The following DSCAML1 variants were observed in gnomAD, a reference collection of about 807,000 sequenced individuals.
The protein encoded by DSCAML1 is DS cell adhesion molecule like 1.
A neutral mutation model predicts 200.5 loss-of-function variants in DSCAML1; 38 were observed. The observed-to-expected ratio is 0.19, with a 90% CI of 0.15 to 0.25. DSCAML1 has a LOEUF of 0.25. DSCAML1 is among the 10% of genes least tolerant of loss of function. The pLI is 1.00. For missense variants in DSCAML1, 2,223 were observed against 2,858.8 expected, an observed-to-expected ratio of 0.78 and a Z score of 5.07; for synonymous variants, 1,215 against 1,165.0, an observed-to-expected ratio of 1.04 and a Z score of -0.87.
intron 3 of DSCAML1, among the ~76,000 whole-genome samples, chr11:117,697,347 A>G (rs557744332): frequency 1.3e-5 from 2 of 152,206 alleles, no homozygotes; most frequent in African/African-American, 4.8e-5. Context: ...CAACATAAAG[A>G]TTCTCAGGCA....
Position 117,776,797 on chromosome 11 carries a change from T to C in DSCAML1, c.505A>G (p.Ile169Val), listed in dbSNP as rs1227740809. ...GCCCCGGGACGCTTCTTACCTGGGA[T>C]GATGGAGACTGTGTCTTTCTCCCAA... is the stretch of plus-strand genomic sequence containing the variant. ...VSWEKDTVSI[I>V]PEHRFFITYH... The change falls in exon 3 of 33, where the codon ATC (isoleucine) becomes GTC (valine). Residue 169 changes from isoleucine to valine, a missense_variant. Around this residue, in one of 7 missense-constraint regions of DSCAML1, gnomAD observed 579 missense variants for 721.5 expected, o/e 0.80. Coordinates refer to ENST00000651296, the MANE Select transcript of DSCAML1 (RefSeq NM_020693.4). 1.2e-6 allele frequency: 2 copies of C among 1,614,026 alleles called. No homozygotes were observed. The highest frequency in any genetic ancestry group is 1.7e-5 in the Admixed American group (1 of 60,006).
At chr11:117,685,872 C>A (rs904441941) in intron 3 of DSCAML1, among the ~76,000 whole-genome samples, 5 of 152,112 alleles carry the variant, frequency 3.3e-5, no homozygotes, top group African/African-American at 9.7e-5. Context: ...GTCTAGGGGG[C>A]CATGAGAACA....
chr11:117,673,026 C>T (rs34529863), intron 3 of DSCAML1, among the ~76,000 whole-genome samples: 5,472 of 152,236 alleles, frequency 0.036, 133 homozygotes, highest in Middle Eastern at 0.082. Context: ...GACGTCTGTG[C>T]TCCCCTGTGC....
At chr11:117,640,273 G>T (rs2052379581) in intron 3 of DSCAML1, among the ~76,000 whole-genome samples, 1 of 152,212 alleles carries the variant, frequency 6.6e-6, no homozygotes, top group African/African-American at 2.4e-5. Context: ...TGCCAAGGCA[G>T]CCCGTTCCAT....
chr11:117,560,981 C>T (rs1237018258), intron 3 of DSCAML1, among the ~76,000 whole-genome samples: 1 of 152,164 alleles, frequency 6.6e-6, no homozygotes, highest in African/African-American at 2.4e-5. Flanking sequence ...AGATGGGTTT[C>T]AGGGATAGAG....
chr11:117,560,299 A>T (rs2050637752), intron 3 of DSCAML1, among the ~76,000 whole-genome samples: 1 of 152,136 alleles, frequency 6.6e-6, no homozygotes, highest in African/African-American at 2.4e-5. Context: ...CAGCAACTTC[A>T]GGAGGTGCGC....
intron 3 of DSCAML1, among the ~76,000 whole-genome samples, chr11:117,604,178 C>T (rs982222856): frequency 6.6e-6 from 1 of 152,314 alleles, no homozygotes; most frequent in Non-Finnish European, 1.5e-5. Context: ...CACACTTGCA[C>T]GGCATCTGAC....
At chr11:117,465,598 G>C (rs2048565203) in intron 16 of DSCAML1, among the ~76,000 whole-genome samples, 1 of 152,158 alleles carries the variant, frequency 6.6e-6, no homozygotes, top group Non-Finnish European at 1.5e-5. Flanking sequence ...AGCATCATCT[G>C]ACAGTCTATA....
At chr11:117,551,011 T>C (rs971818537) in intron 3 of DSCAML1, among the ~76,000 whole-genome samples, 5 of 152,220 alleles carry the variant, frequency 3.3e-5, no homozygotes, top group African/African-American at 4.8e-5. Context: ...TTCTCTGTCC[T>C]CAGCCATGGG....
chr11:117,470,830 G>A (rs1021774301), intron 15 of DSCAML1, among the ~76,000 whole-genome samples: 1 of 152,130 alleles, frequency 6.6e-6, no homozygotes, highest in Non-Finnish European at 1.5e-5. Context: ...CTATGCTAAT[G>A]ACATGAATGA....
intron 3 of DSCAML1, among the ~76,000 whole-genome samples, chr11:117,666,980 AG>A (rs1482411039): frequency 6.6e-6 from 1 of 152,070 alleles, no homozygotes; most frequent in Non-Finnish European, 1.5e-5. Context: ...GGCAGTCAGC[AG>A]GTGTTAGTGG....
intron 20 of DSCAML1, among the ~76,000 whole-genome samples, chr11:117,448,821 CA>C (rs1429428429): frequency 6.6e-6 from 1 of 152,160 alleles, no homozygotes; most frequent in Non-Finnish European, 1.5e-5. Flanking sequence ...TGAACACCTG[CA>C]AACTCTGTGA....
intron 3 of DSCAML1, among the ~76,000 whole-genome samples, chr11:117,672,102 G>GAAAAAAAAAAAAAAAAAAAAAAAAAAAA (rs71037491): frequency 1.1e-5 from 1 of 94,484 alleles, no homozygotes; most frequent in African/African-American, 4.9e-5. Context: ...CTCCAGCTCA[G>GAAAAAAAAAAAAAAAAAAAAAAAAAAAA]AAAAAAAAAA....
At chr11:117,781,387 A>G (rs1163554066) in intron 1 of DSCAML1, among the ~76,000 whole-genome samples, 2 of 152,240 alleles carry the variant, frequency 1.3e-5, no homozygotes, top group African/African-American at 4.8e-5. Context: ...GCTAAGGTAC[A>G]GAACTAAAAT....
intron 3 of DSCAML1, among the ~76,000 whole-genome samples, chr11:117,684,325 G>A (rs1215909863): frequency 3.3e-5 from 5 of 150,662 alleles, no homozygotes; most frequent in Non-Finnish European, 7.4e-5. Flanking sequence ...CTCTCCCACT[G>A]CCAGCCAGTG....
chr11:117,606,933 G>C (rs1280397923), intron 3 of DSCAML1, among the ~76,000 whole-genome samples: 2 of 152,230 alleles, frequency 1.3e-5, no homozygotes, highest in Non-Finnish European at 2.9e-5. Context: ...TTGACTGGTT[G>C]AGTCAGCCAA....
chr11:117,686,845 CGAT>C (rs1024537092), intron 3 of DSCAML1, among the ~76,000 whole-genome samples: 1 of 152,104 alleles, frequency 6.6e-6, no homozygotes, highest in Non-Finnish European at 1.5e-5. Flanking sequence ...CTGATGATGA[CGAT>C]GATGATGATG....
chr11:117,481,134 T>C, intron 13 of DSCAML1, 40 bp downstream of exon 13: 1 of 1,591,290 alleles, frequency 6.3e-7, no homozygotes, highest in African/African-American at 1.3e-5. Flanking sequence ...CCCTGGGCCC[T>C]GGGGAGGTGG....
chr11:117,700,493 C>T (rs951703280), intron 3 of DSCAML1, among the ~76,000 whole-genome samples: 8 of 152,226 alleles, frequency 5.3e-5, no homozygotes, highest in African/African-American at 1.9e-4. Flanking sequence ...TTCGAACCCA[C>T]ATCCTGAGAA....
Sources: allele counts gnomAD v4.1 joint callset (sites outside exome capture counted in the v4.1 genomes callset), GRCh38; gene constraint gnomAD v4.1.1; regional missense constraint gnomAD v4.1.1; transcripts MANE v1.5; gene names NCBI Gene and HGNC (gene_info 2026-07-23, HGNC 2026-07-21).